The following SLC38A2 variants were observed in gnomAD, a reference collection of about 807,000 sequenced individuals.
The protein encoded by SLC38A2 is solute carrier family 38 member 2.
Under a neutral mutation model 61.5 loss-of-function variants are expected in SLC38A2, and 11 were observed. The observed-to-expected ratio is 0.18, with a 90% CI of 0.11 to 0.30. The LOEUF (loss-of-function observed/expected upper bound fraction) is 0.30, where lower values mean the gene tolerates loss of function less well. SLC38A2 is among the 10% of genes least tolerant of loss of function. The pLI, the probability that SLC38A2 is intolerant of heterozygous loss-of-function variation, is 1.00. For synonymous variants in SLC38A2, 217 were observed against 212.5 expected (o/e 1.02, Z -0.18); for missense variants, 522 against 600.4 (o/e 0.87, Z 1.36).
chr12:46,369,744 T>TC lies in SLC38A2; in HGVS notation c.314+767dup, dbSNP rs1201265185. Among the ~76,000 whole-genome samples, 8 of 151,886 alleles carry TC rather than the reference T, an allele frequency of 5.3e-5. No homozygotes were observed. In the East Asian group the frequency reaches 1.5e-3, roughly 29 times the overall value. On this transcript the variant is annotated intron_variant, in intron 4 of 15. Coordinates refer to ENST00000256689, the MANE Select transcript of SLC38A2 (RefSeq NM_018976.5). Reference sequence around the variant, plus strand: ...AGATCCACATTTTTCTATCATATTCTCCAAGAGTCAGTGACGCAAAAATGG... The same window carrying TC: ...AGATCCACATTTTTCTATCATATTCTCCCAAGAGTCAGTGACGCAAAAATGG...
intron 1 of SLC38A2, chr12:46,371,642 T>A (rs976519685): frequency 3.8e-6 from 1 of 260,186 alleles, no homozygotes; most frequent in Non-Finnish European, 7.3e-6. Flanking sequence ...CCCTCTCTAT[T>A]GTCCCTCGTC....
At chr12:46,368,742 T>C (rs984233911) in intron 4 of SLC38A2, among the ~76,000 whole-genome samples, 3 of 152,222 alleles carry the variant, frequency 2.0e-5, no homozygotes, top group Admixed American at 6.5e-5. Flanking sequence ...GAAGTGACAC[T>C]ATCAACCTCA....
At chr12:46,363,178 C>T (rs770085387) in intron 12 of SLC38A2, 33 bp from the exon 13 acceptor site, 4 of 1,605,216 alleles carry the variant, frequency 2.5e-6, no homozygotes, top group African/African-American at 2.7e-5. Context: ...CTTTGATTGG[C>T]TGTTTTCATT....
rs1406279979 is a variant in SLC38A2 at position 46,367,267 on chromosome 12, C to T, written c.388G>A (p.Gly130Arg). 3.1e-6 allele frequency: 5 copies of T among 1,592,662 alleles called. No homozygotes were observed. The highest frequency in any genetic ancestry group is 3.3e-5 in the Admixed American group (2 of 59,940). Residue 130 changes from glycine (G) to arginine (R), a missense_variant and splice_region_variant, in exon 5 of 16, where the codon GGG (glycine) becomes AGG (arginine). Gly to Arg is a moderately radical substitution (Grantham distance 125). Coordinates refer to ENST00000256689, the MANE Select transcript of SLC38A2 (RefSeq NM_018976.5). ...AGAAAAATCAAGAATGCTATCATAC[C>T]TCCTTCATTGGCAGTCTTCAAAAGG... ...HLLLKTANEGGSLLYEQLGYK... is the reference protein window; with the variant it reads ...HLLLKTANEGRSLLYEQLGYK...
At position 46,372,514 on chromosome 12, in the gene SLC38A2, T is replaced by G; in HGVS notation, c.-92A>C. 3.0e-4 allele frequency: 82 copies of G among 274,584 alleles called. No homozygotes were observed. The highest frequency in any genetic ancestry group is 1.0e-3 in the Middle Eastern group (1 of 958). The allele number at this position is 274,584 out of a possible 1,614,324, so 17.0% of individuals were successfully genotyped here. A position where few individuals can be genotyped will look rare whatever the true frequency, so the allele number is the denominator to read the frequency against. On this transcript the variant is annotated 5_prime_UTR_variant, in exon 1 of 16. Transcript: ENST00000256689. ...CGCCCCCCCGCACGCGTTACCTCGGTGGTCTCTATTCTCACGCAGACGTCT... is the reference window on the plus strand; with the variant it reads ...CGCCCCCCCGCACGCGTTACCTCGGGGGTCTCTATTCTCACGCAGACGTCT...
rs551785947 is a variant in SLC38A2, at chr12:46,360,273, C to T, written c.*838G>A. ...CCCACAGAAATATCTGCATTATCTT[C>T]CATTCTAATAAGTTGAAGACACAAA... On this transcript the variant is annotated 3_prime_UTR_variant, in exon 16 of 16. Transcript: ENST00000256689. The T allele has an allele frequency of 2.0e-5, 3 of 152,696 alleles. No homozygotes were observed. The East Asian group carries it at 5.8e-4, about 29-fold the overall frequency. 9.5% of individuals were successfully genotyped at this position (152,696 alleles called of 1,614,324 possible).
intron 8 of SLC38A2, chr12:46,364,906 T>G (rs1302406100): frequency 6.0e-6 from 4 of 672,254 alleles, no homozygotes; most frequent in Non-Finnish European, 1.0e-5. Context: ...ATAAAAACTA[T>G]CATTTGCATT....
intron 4 of SLC38A2, among the ~76,000 whole-genome samples, chr12:46,369,409 C>T (rs780069931): frequency 6.6e-6 from 1 of 152,186 alleles, no homozygotes; most frequent in African/African-American, 2.4e-5. Context: ...TGGAATTTCA[C>T]AAAGCAGAGA....
chr12:46,361,497 AT>A (rs1213061392), intron 15 of SLC38A2, among the ~76,000 whole-genome samples: 2 of 151,212 alleles, frequency 1.3e-5, no homozygotes, highest in African/African-American at 2.4e-5. Context: ...ACTGGACTGG[AT>A]TTTTTTTTGC....
chr12:46,363,546 G>A (rs1943106200), intron 12 of SLC38A2, among the ~76,000 whole-genome samples, 180 bp downstream of exon 12: 1 of 151,944 alleles, frequency 6.6e-6, no homozygotes, highest in Admixed American at 6.6e-5. Context: ...AGAAATTACT[G>A]ATTAAATACA....
chr12:46,371,534 A>C (rs935697027), intron 1 of SLC38A2, 155 bp from the exon 2 acceptor site: 15 of 495,430 alleles, frequency 3.0e-5, no homozygotes, highest in Non-Finnish European at 5.3e-5. Flanking sequence ...CGAGGGGCGG[A>C]AAAGTACAGA....
At position 46,364,546 on chromosome 12, in the gene SLC38A2, T is replaced by C; in HGVS notation, c.716A>G (p.Lys239Arg). ...CACAGGACACGGAACCTGAAATTTC[T>C]TGCAAATGACCTAAAAATATATTAT... Reference protein sequence around the residue: ...MVFFLIVVICKKFQVPCPVEA... With the variant: ...MVFFLIVVICRKFQVPCPVEA... The change falls in exon 10 of 16, where the codon AAG becomes AGG. Residue 239 changes from lysine to arginine, a missense_variant. By Grantham distance (26) the Lys-to-Arg change is conservative (BLOSUM62 2). Coordinates refer to ENST00000256689, the MANE Select transcript of SLC38A2 (RefSeq NM_018976.5). 6.2e-7 allele frequency: 1 copy of C among 1,603,340 alleles called. No individual in the cohort carries two copies. The highest frequency in any genetic ancestry group is 1.1e-5 in the South Asian group (1 of 88,572).
At position 46,361,101 on chromosome 12, in the gene SLC38A2, G is replaced by C; in HGVS notation, c.*10C>G. 1 of 1,609,334 alleles carries C rather than the reference G, an allele frequency of 6.2e-7. No homozygotes were observed. Among genetic ancestry groups the C allele is most frequent in the Non-Finnish European group, 8.5e-7 (1 of 1,176,416 alleles). On this transcript the variant is annotated 3_prime_UTR_variant, in exon 16 of 16. Transcript: ENST00000256689. ...TCAGATGGACTGAGTTTGAGTTTGAGTGGTGCCAATTAATGGCCACCTCCA... is the reference window on the plus strand; with the variant it reads ...TCAGATGGACTGAGTTTGAGTTTGACTGGTGCCAATTAATGGCCACCTCCA...
intron 15 of SLC38A2, chr12:46,362,069 CT>C (rs895052940): frequency 2.3e-5 from 11 of 471,826 alleles, no homozygotes; most frequent in African/African-American, 2.2e-4. Flanking sequence ...TATCTAATAA[CT>C]TTATTGCAAT....
chr12:46,365,674 T>G (rs1218785400), intron 7 of SLC38A2, among the ~76,000 whole-genome samples: 1 of 152,120 alleles, frequency 6.6e-6, no homozygotes, highest in Non-Finnish European at 1.5e-5. Context: ...AGGAAACGTT[T>G]TCATAAAATG....
intron 1 of SLC38A2, 199 bp from the exon 2 acceptor site, chr12:46,371,578 A>C (rs1777874681): frequency 2.5e-6 from 1 of 395,114 alleles, no homozygotes; most frequent in Non-Finnish European, 4.5e-6. Context: ...AGATGATGCC[A>C]CCGCTGTGTT....
chr12:46,366,689 CT>C (rs1450551640), intron 7 of SLC38A2, among the ~76,000 whole-genome samples, 174 bp downstream of exon 7: 1 of 152,134 alleles, frequency 6.6e-6, no homozygotes. Flanking sequence ...ATCTTTCGGC[CT>C]TTCCTTCTCC....
intron 4 of SLC38A2, among the ~76,000 whole-genome samples, chr12:46,367,849 C>G (rs889906685): frequency 2.0e-5 from 3 of 152,122 alleles, no homozygotes; most frequent in Non-Finnish European, 4.4e-5. Context: ...ACAGGAATGA[C>G]AGGCCAGGTG....
At chr12:46,364,761 A>G in intron 8 of SLC38A2, 59 bp from the exon 9 acceptor site, 2 of 1,518,036 alleles carry the variant, frequency 1.3e-6, no homozygotes, top group Non-Finnish European at 9.0e-7. Flanking sequence ...TAAGGCAAAT[A>G]TCTTTTTCCC....
Sources: gnomAD v4.1 joint callset for allele counts (sites outside exome capture counted in the v4.1 genomes callset) on GRCh38, gnomAD v4.1.1 for gene constraint, MANE v1.5 for transcripts, NCBI Gene and HGNC (gene_info 2026-07-23, HGNC 2026-07-21) for gene names.